PRR5L: variants seen among roughly 807,000 people sequenced by gnomAD.
PRR5L encodes the protein proline-rich protein 5-like.
In PRR5L, 21 loss-of-function variants were observed where a neutral mutation model predicts 36.4. That is an observed-to-expected ratio of 0.58 (90% CI 0.41 to 0.83). PRR5L has a LOEUF of 0.83. Among genes scored for constraint, PRR5L ranks in the 40% least tolerant of loss-of-function variants. The pLI is 0.00. For missense variants in PRR5L, 381 were observed against 473.3 expected, an observed-to-expected ratio of 0.80 and a Z score of 1.81; for synonymous variants, 188 against 197.0, an observed-to-expected ratio of 0.95 and a Z score of 0.38.
chr11:36,442,846 T>C (rs569403362), intron 6 of PRR5L, among the ~76,000 whole-genome samples: 2 of 152,186 alleles, frequency 1.3e-5, no homozygotes, highest in Non-Finnish European at 2.9e-5. Context: ...AGTATTTTAG[T>C]TATTACCATT....
chr11:36,374,176 T>A (rs1857229706), intron 1 of PRR5L, among the ~76,000 whole-genome samples: 2 of 151,280 alleles, frequency 1.3e-5, no homozygotes, highest in African/African-American at 2.4e-5. Flanking sequence ...GCTCACTATA[T>A]CCTCCACCTC....
chr11:36,374,053 C>T (rs918665130), intron 1 of PRR5L, among the ~76,000 whole-genome samples: 2 of 47,610 alleles, frequency 4.2e-5, no homozygotes, highest in African/African-American at 9.0e-5. Context: ...TTTCCTCCTT[C>T]CTTCCTTCCT....
intron 6 of PRR5L, among the ~76,000 whole-genome samples, chr11:36,439,028 T>C (rs1312516711): frequency 6.6e-6 from 1 of 152,166 alleles, no homozygotes; most frequent in Non-Finnish European, 1.5e-5. Flanking sequence ...ACTGAAAAAC[T>C]CTTCAAATTT....
chr11:36,392,253 T>C (rs1051225023), intron 1 of PRR5L, among the ~76,000 whole-genome samples: 4 of 152,226 alleles, frequency 2.6e-5, no homozygotes, highest in African/African-American at 9.7e-5. Context: ...ATTTTGGCTA[T>C]TTTGAATAGT....
intron 3 of PRR5L, among the ~76,000 whole-genome samples, chr11:36,408,598 G>A (rs1051962013): frequency 2.0e-4 from 31 of 152,180 alleles, no homozygotes; most frequent in Admixed American, 8.5e-4. Context: ...GTGTTAGTGC[G>A]GTTTTTAACA....
intron 8 of PRR5L, among the ~76,000 whole-genome samples, chr11:36,456,474 T>C (rs1310026277): frequency 2.0e-5 from 3 of 152,250 alleles, no homozygotes; most frequent in Non-Finnish European, 4.4e-5. Context: ...ACAGCCCATC[T>C]GAAATAGGCT....
At chr11:36,368,942 G>A (rs532269194) in intron 1 of PRR5L, among the ~76,000 whole-genome samples, 3 of 152,268 alleles carry the variant, frequency 2.0e-5, no homozygotes, top group Non-Finnish European at 2.9e-5. Flanking sequence ...AAAGAGAGTC[G>A]TGAGACAAAA....
intron 1 of PRR5L, among the ~76,000 whole-genome samples, chr11:36,374,421 A>G (rs549059385): frequency 6.6e-6 from 1 of 152,070 alleles, no homozygotes; most frequent in South Asian, 2.1e-4. Context: ...TAAACCATAC[A>G]ATGTGTTACA....
At chr11:36,387,213 A>T (rs1565434580) in intron 1 of PRR5L, among the ~76,000 whole-genome samples, 1 of 152,106 alleles carries the variant, frequency 6.6e-6, no homozygotes, top group Non-Finnish European at 1.5e-5. Flanking sequence ...GTGGGAATTG[A>T]ACAATGAGAA....
intron 1 of PRR5L, chr11:36,376,105 A>C (rs893261664): frequency 1.3e-6 from 1 of 750,890 alleles, no homozygotes; most frequent in Admixed American, 3.9e-5. Flanking sequence ...CTCCTCGGCA[A>C]TTTTTTTTTT....
At chr11:36,385,272 G>A (rs1010795197) in intron 1 of PRR5L, among the ~76,000 whole-genome samples, 7 of 152,066 alleles carry the variant, frequency 4.6e-5, no homozygotes, top group African/African-American at 1.7e-4. Flanking sequence ...TGACATTTGG[G>A]GGCCACACCC....
At chr11:36,396,605 G>C (rs1237743115) in intron 1 of PRR5L, among the ~76,000 whole-genome samples, 3 of 152,164 alleles carry the variant, frequency 2.0e-5, no homozygotes, top group African/African-American at 7.2e-5. Context: ...CTCTTATGTA[G>C]CACTTATTTG....
chr11:36,383,655 C>T (rs1324941985), intron 1 of PRR5L, among the ~76,000 whole-genome samples: 1 of 151,926 alleles, frequency 6.6e-6, no homozygotes, highest in Non-Finnish European at 1.5e-5. Flanking sequence ...CATTGTTTCC[C>T]ATCCCAGCAT....
chr11:36,428,269 C>T (rs937064492), intron 4 of PRR5L, among the ~76,000 whole-genome samples: 10 of 152,102 alleles, frequency 6.6e-5, no homozygotes, highest in African/African-American at 2.4e-4. Flanking sequence ...GGGCTTTAGA[C>T]CCCAGTGCAT....
At chr11:36,358,369 C>T (rs1857050480) in intron 1 of PRR5L, among the ~76,000 whole-genome samples, 1 of 152,196 alleles carries the variant, frequency 6.6e-6, no homozygotes, top group Non-Finnish European at 1.5e-5. Flanking sequence ...ACCCACCACC[C>T]TGACCAGTCA....
Position 36,386,245 on chromosome 11 carries a change from C to T in PRR5L, c.-125-14752C>T, listed in dbSNP as rs887562988. ...AGGCTGCAGTGGGCTGTGATTGTGC[C>T]ACCATACTCCAGCCTGGGTGACAGA... is the stretch of plus-strand genomic sequence containing the variant. On this transcript the variant is annotated intron_variant, in intron 1 of 8. Coordinates refer to ENST00000530639, the MANE Select transcript of PRR5L (RefSeq NM_001160167.2). Among the ~76,000 whole-genome samples, 13 of 151,978 alleles carry T rather than the reference C, an allele frequency of 8.6e-5. 1 individual carries two copies. The highest frequency in any genetic ancestry group is 3.4e-3 in the Middle Eastern group (1 of 292).
At chr11:36,426,418 A>C (rs1858383593) in intron 4 of PRR5L, among the ~76,000 whole-genome samples, 1 of 152,238 alleles carries the variant, frequency 6.6e-6, no homozygotes, top group Non-Finnish European at 1.5e-5. Context: ...TCCAGGTGGA[A>C]TCATGGGAAC....
chr11:36,445,801 C>T lies in PRR5L; in HGVS notation c.445-499C>T, dbSNP rs951465672. On this transcript the variant is annotated intron_variant, in intron 6 of 8. Coordinates refer to ENST00000530639, the MANE Select transcript of PRR5L (RefSeq NM_001160167.2). ...TCACCTTCTGCTCCCTACCCCATCC[C>T]CACAATTGAACAAATCCCTTTTCTC... is the stretch of plus-strand genomic sequence containing the variant. Among the ~76,000 whole-genome samples the T allele has an allele frequency of 2.6e-5, 4 of 152,166 alleles. No individual in the cohort carries two copies. The East Asian group carries it at 7.7e-4, about 29-fold the overall frequency.
Position 36,344,897 on chromosome 11 carries a change from G to A in PRR5L, c.-126+48459G>A, listed in dbSNP as rs1034759964. ...AATTTGGCATTTTTGAAGCATTTTT[G>A]CCAAGCTTGATTTGTTAAAATTTAG... On this transcript the variant is annotated intron_variant, in intron 1 of 8. Transcript: ENST00000530639. The surrounding 1 kb of genome is among the most constrained non-coding windows in gnomAD (Gnocchi z 4.1). Among the ~76,000 whole-genome samples, 4 of 152,130 alleles carry A rather than the reference G, an allele frequency of 2.6e-5. No homozygotes were observed. The highest frequency in any genetic ancestry group is 5.9e-5 in the Non-Finnish European group (4 of 68,024).
Sources: allele counts gnomAD v4.1 joint callset (sites outside exome capture counted in the v4.1 genomes callset), GRCh38; gene constraint gnomAD v4.1.1; non-coding constraint Gnocchi (gnomAD v3.1); transcripts MANE v1.5; gene names NCBI Gene and HGNC (gene_info 2026-07-23, HGNC 2026-07-21).